The following FRMPD3 variants were observed in gnomAD, a reference collection of about 807,000 sequenced individuals.
FRMPD3 encodes FERM and PDZ domain-containing protein 3.
FRMPD3 carries 42 observed loss-of-function variants against 97.9 expected under a neutral mutation model. That is an observed-to-expected ratio of 0.43 (90% CI 0.34 to 0.55). The LOEUF (loss-of-function observed/expected upper bound fraction) is 0.55, where lower values mean the gene tolerates loss of function less well. Ranked by LOEUF, FRMPD3 falls within the 20% of genes least tolerant of loss-of-function variation. The probability of loss-of-function intolerance (pLI) is 0.03; values close to 1 mark genes in which losing one functional copy is unlikely to be tolerated. For synonymous variants in FRMPD3, 577 were observed against 581.1 expected, an observed-to-expected ratio of 0.99 and a Z score of 0.10; for missense variants, 1,303 against 1,457.7, an observed-to-expected ratio of 0.89 and a Z score of 1.73.
intron 1 of FRMPD3, among the ~76,000 whole-genome samples, chrX:107,498,067 C>T (rs1023077270): frequency 1.5e-4 from 17 of 112,473 alleles, no homozygotes; most frequent in East Asian, 5.6e-4. Flanking sequence ...GAACACTTCT[C>T]GGCTCAGTGC....
In FRMPD3 at chrX:107,489,865, G is replaced by T. The variant is rs761849927; in HGVS notation, c.-7-36717G>T. Among the ~76,000 whole-genome samples, 13 of 111,477 alleles carry T rather than the reference G, an allele frequency of 1.2e-4. No individual in the cohort carries two copies. In the South Asian group the frequency reaches 4.9e-3, roughly 42 times the overall value. On this transcript the variant is annotated intron_variant, in intron 1 of 14. Transcript: ENST00000683843. ...AATTAGATCCCATTTGTCAATTTTG[G>T]CTTTTGTTGCCATTGCTTTTGGTGT...
rs190990938 is a variant in FRMPD3 at position 107,479,082 on chromosome X, T to C, written c.-8+29077T>C. Among the ~76,000 whole-genome samples the C allele has an allele frequency of 2.0e-3, 223 of 112,950 alleles. 1 individual carries two copies. Among genetic ancestry groups the C allele is most frequent in the African/African-American group, 6.9e-3 (214 of 31,198 alleles). Reference sequence around the variant, plus strand: ...CTTAAGGCTCCTCCATGCTTGAGTCTGGAGAACCTGTTTCGTGGCCTTTAT... The same window carrying C: ...CTTAAGGCTCCTCCATGCTTGAGTCCGGAGAACCTGTTTCGTGGCCTTTAT... On this transcript the variant is annotated intron_variant, in intron 1 of 14. Transcript: ENST00000683843.
At chrX:107,588,206 T>TGGAGAATC (rs1233855317) in intron 13 of FRMPD3, among the ~76,000 whole-genome samples, 1 of 111,117 alleles carries the variant, frequency 9.0e-6, no homozygotes, top group Admixed American at 9.6e-5. Flanking sequence ...ATTTTGACCT[T>TGGAGAATC]GGAGAATCGG....
At chrX:107,583,119 T>C (rs1923473085) in intron 13 of FRMPD3, among the ~76,000 whole-genome samples, 1 of 110,835 alleles carries the variant, frequency 9.0e-6, no homozygotes, top group Non-Finnish European at 1.9e-5. Flanking sequence ...TTTCTTTTTT[T>C]TTCTTTTTAC....
At chrX:107,516,702 C>G (rs1415595500) in intron 1 of FRMPD3, among the ~76,000 whole-genome samples, 3 of 110,296 alleles carry the variant, frequency 2.7e-5, no homozygotes, top group Non-Finnish European at 5.7e-5. Flanking sequence ...TCATATCCTT[C>G]GCCCACTTGT....
At chrX:107,598,370 A>G (rs1232188564) in intron 14 of FRMPD3, among the ~76,000 whole-genome samples, 1 of 112,329 alleles carries the variant, frequency 8.9e-6, no homozygotes, top group Non-Finnish European at 1.9e-5. Context: ...ATCTCTTTGG[A>G]AATGCCTTAC....
chrX:107,450,186 G>A (rs1931254937), intron 1 of FRMPD3, among the ~76,000 whole-genome samples, 181 bp downstream of exon 1: 2 of 111,402 alleles, frequency 1.8e-5, no homozygotes, highest in South Asian at 7.5e-4. Context: ...TGGGCGGGCG[G>A]GGTAACGGCC....
At chrX:107,495,398 A>AT (rs1431356987) in intron 1 of FRMPD3, among the ~76,000 whole-genome samples, 6 of 111,597 alleles carry the variant, frequency 5.4e-5, no homozygotes, top group Admixed American at 4.8e-4. Flanking sequence ...TTGCCCATTT[A>AT]TTTTTTTACT....
intron 1 of FRMPD3, chrX:107,513,263 A>G (rs1267350959): frequency 9.0e-6 from 1 of 111,520 alleles, no homozygotes; most frequent in African/African-American, 3.3e-5. Flanking sequence ...AAGAATCCAG[A>G]TACCACCATG....
chrX:107,550,801 A>C (rs1921830825), intron 6 of FRMPD3, among the ~76,000 whole-genome samples: 2 of 111,577 alleles, frequency 1.8e-5, no homozygotes, highest in South Asian at 7.6e-4. Context: ...GGACAGAAAT[A>C]TCCATTCCTG....
At chrX:107,534,688 C>T (rs1028854547) in intron 4 of FRMPD3, among the ~76,000 whole-genome samples, 1 of 111,331 alleles carries the variant, frequency 9.0e-6, no homozygotes, top group Admixed American at 9.5e-5. Flanking sequence ...TACACTCACA[C>T]ACATATACAA....
Position 107,602,900 on chromosome X carries a change from G to A in FRMPD3, c.4861G>A (p.Val1621Met), listed in dbSNP as rs1460673885. The A allele has an allele frequency of 2.5e-6, 3 of 1,210,113 alleles. No homozygotes were observed. The highest frequency in any genetic ancestry group is 1.8e-5 in the South Asian group (1 of 56,885). ...CGAGGCCCGTGCCCCCAAGCCCTAT[G>A]TGTCTCAGATCTCCGAGTATAAGCT... ...SPEARAPKPY[V>M]SQISEYKLEL... The change falls in exon 15 of 15, where the codon GTG (valine) becomes ATG (methionine). Residue 1621 changes from valine to methionine, a missense_variant. By Grantham distance (21) the Val-to-Met change is conservative (BLOSUM62 1). Transcript: ENST00000683843.
chrX:107,463,422 C>T (rs1401181982), intron 1 of FRMPD3, among the ~76,000 whole-genome samples: 6 of 112,210 alleles, frequency 5.3e-5, no homozygotes, highest in Non-Finnish European at 7.5e-5. Flanking sequence ...GTTACTTAAC[C>T]TCTCTGAGAC....
chrX:107,519,201 T>C (rs962701811), intron 1 of FRMPD3, among the ~76,000 whole-genome samples: 17 of 112,048 alleles, frequency 1.5e-4, no homozygotes, highest in African/African-American at 5.5e-4. Context: ...AAACTGTACT[T>C]CTAAAAATGG....
At chrX:107,457,263 A>G (rs906820170) in intron 1 of FRMPD3, among the ~76,000 whole-genome samples, 12 of 111,284 alleles carry the variant, frequency 1.1e-4, no homozygotes, top group African/African-American at 3.6e-4. Context: ...CCAGAAAAAA[A>G]TTTGATTCGT....
At chrX:107,523,314 T>C (rs1237747228) in intron 1 of FRMPD3, among the ~76,000 whole-genome samples, 2 of 111,918 alleles carry the variant, frequency 1.8e-5, no homozygotes, top group African/African-American at 6.5e-5. Flanking sequence ...TTAAGGGCAG[T>C]TAGTCCAGCT....
At position 107,604,177 on chromosome X, in the gene FRMPD3, A is replaced by G. The variant is rs760245227; in HGVS notation, c.*804A>G. ...CCTAGGAGCCCGCCTAGCCCGGCCC[A>G]GCCCAGCTCAGGGGCTGTTGCTGCA... On this transcript the variant is annotated 3_prime_UTR_variant, in exon 15 of 15. Transcript: ENST00000683843. 1 of 105,832 alleles carries G rather than the reference A, an allele frequency of 9.4e-6. No individual in the cohort carries two copies. The highest frequency in any genetic ancestry group is 4.4e-4 in the South Asian group (1 of 2,256). The allele number at this position is 105,832 out of a possible 1,213,427, so 8.7% of individuals were successfully genotyped here. A position where few individuals can be genotyped will look rare whatever the true frequency, so the allele number is the denominator to read the frequency against.
chrX:107,551,733 T>C (rs977603150), intron 6 of FRMPD3, among the ~76,000 whole-genome samples: 1 of 112,222 alleles, frequency 8.9e-6, no homozygotes, highest in African/African-American at 3.2e-5. Context: ...CAGTTGGCAA[T>C]CGCCGGATTG....
intron 1 of FRMPD3, among the ~76,000 whole-genome samples, chrX:107,501,697 G>A (rs909612430): frequency 3.8e-5 from 4 of 105,033 alleles, no homozygotes; most frequent in African/African-American, 1.4e-4. Flanking sequence ...GTGTCTGTGT[G>A]CGTATGTACA....
Sources: allele counts gnomAD v4.1 joint callset (sites outside exome capture counted in the v4.1 genomes callset), GRCh38; gene constraint gnomAD v4.1.1; transcripts MANE v1.5; gene names NCBI Gene and HGNC (gene_info 2026-07-23, HGNC 2026-07-21).